Variants in CSMD1 observed in about 807,000 individuals in gnomAD.
CSMD1 encodes the protein CUB and sushi domain-containing protein 1.
CSMD1 carries 213 observed loss-of-function variants against 417.5 expected under a neutral mutation model. The observed-to-expected ratio is 0.51, with a 90% CI of 0.46 to 0.57. The LOEUF (loss-of-function observed/expected upper bound fraction) is 0.57. Among genes scored for constraint, CSMD1 ranks in the 20% least tolerant of loss-of-function variants. The pLI, the probability that CSMD1 is intolerant of heterozygous loss-of-function variation, is 0.00. For missense variants in CSMD1, 6,923 were observed against 4,529.7 expected, an observed-to-expected ratio of 1.53 and a Z score of -15.17; for synonymous variants, 2,862 against 1,736.8, an observed-to-expected ratio of 1.65 and a Z score of -16.11.
At chr8:4,169,166 C>G (rs80322191) in intron 3 of CSMD1, among the ~76,000 whole-genome samples, 1 of 152,130 alleles carries the variant, frequency 6.6e-6, no homozygotes, top group Non-Finnish European at 1.5e-5. Flanking sequence ...TAAACACCGT[C>G]TCTACGGTTT....
At chr8:3,833,519 T>G (rs1311915131) in intron 5 of CSMD1, among the ~76,000 whole-genome samples, 1 of 152,156 alleles carries the variant, frequency 6.6e-6, no homozygotes, top group East Asian at 1.9e-4. Flanking sequence ...ATATTCAGAA[T>G]TTTTTTCAAT....
At chr8:4,612,679 C>G (rs1028845345) in intron 2 of CSMD1, among the ~76,000 whole-genome samples, 5 of 152,184 alleles carry the variant, frequency 3.3e-5, no homozygotes, top group African/African-American at 9.7e-5. Context: ...CCACCCAAAC[C>G]TCACGCCACA....
intron 3 of CSMD1, among the ~76,000 whole-genome samples, chr8:4,066,638 C>A (rs1315873711): frequency 3.3e-5 from 5 of 152,188 alleles, no homozygotes; most frequent in African/African-American, 1.2e-4. Flanking sequence ...ACTAACAGCT[C>A]TTTGTGGATG....
chr8:3,037,109 A>G (rs144517840), intron 50 of CSMD1, among the ~76,000 whole-genome samples: 4,142 of 152,312 alleles, frequency 0.027, 196 homozygotes, highest in African/African-American at 0.095. Flanking sequence ...TTCACTTAGA[A>G]TAATGGCCTC....
rs114298084 is a variant in CSMD1 at position 4,099,512 on chromosome 8, G to A, written c.416-67413C>T. Among the ~76,000 whole-genome samples, 1,307 of 151,910 alleles carry A rather than the reference G, an allele frequency of 8.6e-3. 11 individuals are homozygous for A. The highest frequency in any genetic ancestry group is 0.027 in the African/African-American group (1,132 of 41,420). On this transcript the variant is annotated intron_variant, in intron 3 of 69. Transcript: ENST00000635120. Reference sequence around the variant, plus strand: ...TCCAGCCTTCAATGCTGTTCACTACGGATTGTGCCATTATGAGCACCTTTG... The same window carrying A: ...TCCAGCCTTCAATGCTGTTCACTACAGATTGTGCCATTATGAGCACCTTTG...
intron 2 of CSMD1, among the ~76,000 whole-genome samples, chr8:4,524,237 A>C (rs932232318): frequency 6.6e-6 from 1 of 151,508 alleles, no homozygotes; most frequent in African/African-American, 2.4e-5. Context: ...GTGTATAAAG[A>C]ATGAAGACAA....
intron 5 of CSMD1, among the ~76,000 whole-genome samples, chr8:3,912,226 C>A (rs986106301): frequency 6.6e-6 from 1 of 152,126 alleles, no homozygotes; most frequent in Admixed American, 6.5e-5. Flanking sequence ...CGACATACTT[C>A]TATAGGGGCA....
At chr8:4,253,233 G>A (rs1040175488) in intron 3 of CSMD1, among the ~76,000 whole-genome samples, 3 of 152,114 alleles carry the variant, frequency 2.0e-5, no homozygotes, top group Middle Eastern at 3.2e-3. Flanking sequence ...TCATGGCCCA[G>A]ATAAAATGAC....
chr8:3,540,305 C>T (rs1675577482), intron 10 of CSMD1, among the ~76,000 whole-genome samples: 1 of 152,170 alleles, frequency 6.6e-6, no homozygotes, highest in South Asian at 2.1e-4. Flanking sequence ...TAGGTGATAA[C>T]TCTTCTTAGA....
At chr8:4,384,944 G>T (rs1029022199) in intron 3 of CSMD1, among the ~76,000 whole-genome samples, 3 of 152,104 alleles carry the variant, frequency 2.0e-5, no homozygotes, top group Non-Finnish European at 2.9e-5. Context: ...CTTCACATCA[G>T]GAAATTTCCT....
At position 3,029,620 on chromosome 8, in the gene CSMD1, G is replaced by T. The variant is rs1810205502; in HGVS notation, c.7661-107C>A. 3 of 923,062 alleles carry T rather than the reference G, an allele frequency of 3.3e-6. No individual in the cohort carries two copies. The East Asian group carries it at 8.0e-5, about 25-fold the overall frequency. 57.2% of individuals were successfully genotyped at this position (923,062 alleles called of 1,614,324 possible). On this transcript the variant is annotated intron_variant, in intron 50 of 69. Coordinates refer to ENST00000635120, the MANE Select transcript of CSMD1 (RefSeq NM_033225.6). ...TGCTATATGAAACTGATCTTGTTTGGCAAAGTTGATGCCATTACGTATTAT... is the reference window on the plus strand; with the variant it reads ...TGCTATATGAAACTGATCTTGTTTGTCAAAGTTGATGCCATTACGTATTAT...
intron 1 of CSMD1, among the ~76,000 whole-genome samples, chr8:4,818,840 T>A (rs1412688138): frequency 1.3e-5 from 2 of 152,184 alleles, no homozygotes; most frequent in Non-Finnish European, 2.9e-5. Context: ...TGCATTATCA[T>A]TTTTCCCACT....
intron 1 of CSMD1, among the ~76,000 whole-genome samples, chr8:4,809,264 G>T (rs919624576): frequency 1.3e-5 from 2 of 152,062 alleles, no homozygotes; most frequent in Non-Finnish European, 2.9e-5. Flanking sequence ...TTCTAATGAA[G>T]GGCAATAAGA....
In CSMD1 at chr8:3,708,400, G is replaced by C. The variant is rs367576857; in HGVS notation, c.1009+14C>G. 1.2e-6 allele frequency: 2 copies of C among 1,611,744 alleles called. No homozygotes were observed. Among genetic ancestry groups the C allele is most frequent in the East Asian group, 2.2e-5 (1 of 44,872 alleles). The stretch of plus-strand genomic sequence containing the variant: ...GGGCGTATCAATCCTCAGATAGAAA[G>C]GAAAGGGACTCACAGACAGAGTTTT... On this transcript the variant is annotated intron_variant, in intron 7 of 69. Coordinates refer to ENST00000635120, the MANE Select transcript of CSMD1 (RefSeq NM_033225.6).
intron 26 of CSMD1, among the ~76,000 whole-genome samples, chr8:3,237,433 G>C: frequency 6.6e-6 from 1 of 150,820 alleles, no homozygotes; most frequent in South Asian, 2.1e-4. Context: ...CTCCAGCATG[G>C]GCAACAGGGC....
intron 23 of CSMD1, among the ~76,000 whole-genome samples, chr8:3,323,736 A>AGG (rs151254316): frequency 6.7e-6 from 1 of 149,576 alleles, no homozygotes; most frequent in Non-Finnish European, 1.5e-5. Context: ...GAGACCCAGG[A>AGG]GGGAATTTCC....
At chr8:4,417,213 C>A (rs192758372) in intron 3 of CSMD1, among the ~76,000 whole-genome samples, 1 of 152,046 alleles carries the variant, frequency 6.6e-6, no homozygotes, top group East Asian at 1.9e-4. Flanking sequence ...AGTGTTCCCA[C>A]TGGATTTCCA....
At chr8:4,631,356 A>G (rs1231093440) in intron 2 of CSMD1, among the ~76,000 whole-genome samples, 1 of 151,524 alleles carries the variant, frequency 6.6e-6, no homozygotes, top group Non-Finnish European at 1.5e-5. Context: ...GGCAAGATTC[A>G]GTCTCAAGAC....
At position 4,637,554 on chromosome 8, in the gene CSMD1, C is replaced by G. The variant is rs747188674; in HGVS notation, c.90G>C (p.Gln30His). ...GACCCTGGACTAAGCCTCCACAGTT[C>G]TGACCTGGAAGAGAAAACACACACA... ...CARLLTAAKG[Q>H]NCGGLVQGPN... The change falls in exon 2 of 70, where the codon CAG becomes CAC. Residue 30 changes from glutamine to histidine, a missense_variant. Transcript: ENST00000635120. The G allele has an allele frequency of 3.1e-6, 5 of 1,607,846 alleles. No homozygotes were observed. Among genetic ancestry groups the G allele is most frequent in the Non-Finnish European group, 4.2e-6 (5 of 1,176,716 alleles).
Sources: gnomAD v4.1 joint callset for allele counts (sites outside exome capture counted in the v4.1 genomes callset) on GRCh38, gnomAD v4.1.1 for gene constraint, MANE v1.5 for transcripts, NCBI Gene and HGNC (gene_info 2026-07-23, HGNC 2026-07-21) for gene names.